TBC1D22B: variants seen among roughly 807,000 people sequenced by gnomAD.
TBC1D22B encodes the protein TBC1 domain family member 22B, also known as chromosome 6 open reading frame 197.
Under a neutral mutation model 69.1 loss-of-function variants are expected in TBC1D22B, and 32 were observed. The ratio of observed to expected loss-of-function variants is 0.46; its 90% CI spans 0.35 to 0.62. The LOEUF is 0.62. TBC1D22B is among the 20% of genes least tolerant of loss of function. The probability of loss-of-function intolerance (pLI) is 0.00; values close to 1 mark genes in which losing one functional copy is unlikely to be tolerated. For missense variants in TBC1D22B, 462 were observed against 630.9 expected, an observed-to-expected ratio of 0.73 and a Z score of 2.87; for synonymous variants, 206 against 229.8, an observed-to-expected ratio of 0.90 and a Z score of 0.94.
intron 12 of TBC1D22B, among the ~76,000 whole-genome samples, chr6:37,321,369 G>A (rs1371914305): frequency 6.6e-6 from 1 of 152,110 alleles, no homozygotes; most frequent in Non-Finnish European, 1.5e-5. Flanking sequence ...GCAAGGATCT[G>A]CTTAGGTTTC....
In TBC1D22B at chr6:37,301,210, T is replaced by C. The variant is rs1417678715; in HGVS notation, c.982+9853T>C. Among the ~76,000 whole-genome samples the C allele has an allele frequency of 2.6e-5, 4 of 152,240 alleles. No homozygotes were observed. The South Asian group carries it at 6.2e-4, about 24-fold the overall frequency. On this transcript the variant is annotated intron_variant, in intron 8 of 12. Transcript: ENST00000373491. ...TTGGAGTTGCAATAAATTTATAAAT[T>C]ACAATTTTTGTGGGTTTTTTGGTAA...
chr6:37,261,103 G>T (rs1160323544), intron 1 of TBC1D22B, among the ~76,000 whole-genome samples: 1 of 152,066 alleles, frequency 6.6e-6, no homozygotes, highest in Non-Finnish European at 1.5e-5. Flanking sequence ...ACATCAAATG[G>T]TCATTGTATT....
At position 37,332,925 on chromosome 6, in the gene TBC1D22B, G is replaced by A. The variant is rs1464271545; in HGVS notation, c.*1753G>A. On this transcript the variant is annotated 3_prime_UTR_variant, in exon 13 of 13. Transcript: ENST00000373491. Reference sequence around the variant, plus strand: ...TTTTATGTTTGTATGGGAAATTGTGGATAAAGTGAAAAGAATTGTAAATAA... The same window carrying A: ...TTTTATGTTTGTATGGGAAATTGTGAATAAAGTGAAAAGAATTGTAAATAA... 2 of 152,338 alleles carry A rather than the reference G, an allele frequency of 1.3e-5. No homozygotes were observed. The highest frequency in any genetic ancestry group is 2.9e-5 in the Non-Finnish European group (2 of 68,034). The allele number at this position is 152,338 out of a possible 1,614,324, so 9.4% of individuals were successfully genotyped here.
At chr6:37,267,844 G>A (rs1226272343) in intron 1 of TBC1D22B, among the ~76,000 whole-genome samples, 2 of 152,160 alleles carry the variant, frequency 1.3e-5, no homozygotes, top group Non-Finnish European at 2.9e-5. Context: ...TAAACAGGTA[G>A]TGACATAGAT....
chr6:37,270,632 CCA>C (rs1333385602), intron 2 of TBC1D22B, among the ~76,000 whole-genome samples: 1 of 152,078 alleles, frequency 6.6e-6, no homozygotes, highest in Non-Finnish European at 1.5e-5. Context: ...CATCACTGAG[CCA>C]CAGTGAATTT....
chr6:37,309,768 T>C (rs1205319112), intron 8 of TBC1D22B, among the ~76,000 whole-genome samples: 2 of 152,040 alleles, frequency 1.3e-5, no homozygotes, highest in Non-Finnish European at 1.5e-5. Context: ...AACCTGGGTA[T>C]ATCCATCCCT....
intron 12 of TBC1D22B, among the ~76,000 whole-genome samples, chr6:37,327,442 C>A (rs570608544): frequency 2.8e-5 from 2 of 71,150 alleles, no homozygotes; most frequent in African/African-American, 1.7e-4. Flanking sequence ...CGTGCCACTG[C>A]ACTCCAGCCT....
At position 37,331,926 on chromosome 6, in the gene TBC1D22B, G is replaced by A. The variant is rs756983928; in HGVS notation, c.*754G>A. 18 of 152,650 alleles carry A rather than the reference G, an allele frequency of 1.2e-4. No individual in the cohort carries two copies. Among genetic ancestry groups the A allele is most frequent in the Non-Finnish European group, 2.5e-4 (17 of 68,062 alleles). The allele number at this position is 152,650 out of a possible 1,614,324, so 9.5% of individuals were successfully genotyped here. A position where few individuals can be genotyped will look rare whatever the true frequency, so the allele number is the denominator to read the frequency against. ...CATCCCTTGAAGAGGGATTGGGGCA[G>A]GGGAGGCAGAAGGGGCTCTCCAGAC... is the stretch of plus-strand genomic sequence containing the variant. On this transcript the variant is annotated 3_prime_UTR_variant, in exon 13 of 13. Coordinates refer to ENST00000373491, the MANE Select transcript of TBC1D22B (RefSeq NM_017772.4).
At chr6:37,311,677 AAAAG>A (rs2113779254) in intron 8 of TBC1D22B, among the ~76,000 whole-genome samples, 1 of 152,132 alleles carries the variant, frequency 6.6e-6, no homozygotes, top group African/African-American at 2.4e-5. Flanking sequence ...TGTCTCAAAA[AAAAG>A]AAAGGAAGAA....
intron 12 of TBC1D22B, among the ~76,000 whole-genome samples, chr6:37,320,245 A>G (rs572793433): frequency 2.6e-5 from 4 of 152,266 alleles, no homozygotes; most frequent in African/African-American, 9.6e-5. Flanking sequence ...TGGTTAAACC[A>G]TGGTCTTTGG....
intron 8 of TBC1D22B, among the ~76,000 whole-genome samples, chr6:37,307,891 G>C (rs1470977166): frequency 6.6e-6 from 1 of 152,206 alleles, no homozygotes; most frequent in African/African-American, 2.4e-5. Flanking sequence ...GCAGTGAATA[G>C]ACAAGTTACT....
At chr6:37,328,175 G>A (rs1292489480) in intron 12 of TBC1D22B, among the ~76,000 whole-genome samples, 2 of 151,962 alleles carry the variant, frequency 1.3e-5, no homozygotes, top group Non-Finnish European at 2.9e-5. Flanking sequence ...TTAGCCAAGT[G>A]TGATGGCTAA....
intron 5 of TBC1D22B, among the ~76,000 whole-genome samples, chr6:37,283,167 A>G (rs1016276806): frequency 1.3e-5 from 2 of 152,288 alleles, no homozygotes; most frequent in African/African-American, 2.4e-5. Flanking sequence ...ACTTGTACCA[A>G]TAGTCATGGT....
At position 37,330,222 on chromosome 6, in the gene TBC1D22B, C is replaced by CTTT. The variant is rs67372032; in HGVS notation, c.1390-789_1390-787dup. 2.9e-3 allele frequency among the ~76,000 whole-genome samples: 219 copies of CTTT among 75,522 alleles called. 19 individuals are homozygous for CTTT. Among genetic ancestry groups the CTTT allele is most frequent in the Non-Finnish European group, 3.4e-3 (140 of 41,546 alleles). 49.5% of individuals were successfully genotyped at this position (75,522 alleles called of 152,430 possible). A position where few individuals can be genotyped will look rare whatever the true frequency, so the allele number is the denominator to read the frequency against. On this transcript the variant is annotated intron_variant, in intron 12 of 12. Transcript: ENST00000373491. The stretch of plus-strand genomic sequence containing the variant: ...GATGTTATAAATATTTTGTCCGTTT[C>CTTT]TTTTTTTTTTTTTTTTTTTTTTTTT...
At chr6:37,316,906 AG>A in intron 11 of TBC1D22B, 76 bp downstream of exon 11, 1 of 1,602,852 alleles carries the variant, frequency 6.2e-7, no homozygotes, top group Non-Finnish European at 8.5e-7. Flanking sequence ...TGTGGAATGT[AG>A]CTGCTTAGAA....
At chr6:37,323,866 A>C (rs1768321029) in intron 12 of TBC1D22B, among the ~76,000 whole-genome samples, 1 of 152,218 alleles carries the variant, frequency 6.6e-6, no homozygotes, top group African/African-American at 2.4e-5. Context: ...GAGAAAGGGC[A>C]CGGTTCCTAG....
At chr6:37,325,540 C>CTTT (rs70977648) in intron 12 of TBC1D22B, among the ~76,000 whole-genome samples, 5 of 77,178 alleles carry the variant, frequency 6.5e-5, no homozygotes, top group Admixed American at 1.7e-4. Flanking sequence ...ATCGTTTCTA[C>CTTT]TTTTTTTTTT....
At chr6:37,324,214 T>G (rs1186084103) in intron 12 of TBC1D22B, 1 of 441,948 alleles carries the variant, frequency 2.3e-6, no homozygotes, top group Non-Finnish European at 4.6e-6. Context: ...ACATATTTAA[T>G]GTTCTTTTGT....
intron 6 of TBC1D22B, 43 bp downstream of exon 6, chr6:37,284,507 C>T (rs774208395): frequency 1.2e-5 from 19 of 1,524,752 alleles, no homozygotes; most frequent in Non-Finnish European, 1.4e-5. Flanking sequence ...CAGTCATATA[C>T]TTTAGGTATG....
Sources: allele counts gnomAD v4.1 joint callset (sites outside exome capture counted in the v4.1 genomes callset), GRCh38; gene constraint gnomAD v4.1.1; transcripts MANE v1.5; gene names NCBI Gene and HGNC (gene_info 2026-07-23, HGNC 2026-07-21).